ENTPD6: variants seen among roughly 807,000 people sequenced by gnomAD.
The protein encoded by ENTPD6 is CD39 antigen-like 2.
In ENTPD6, 46 loss-of-function variants were observed where a neutral mutation model predicts 61.5. The observed-to-expected ratio is 0.75, with a 90% confidence interval of 0.59 to 0.96. The LOEUF (loss-of-function observed/expected upper bound fraction) is 0.96. Ranked by LOEUF, ENTPD6 falls within the 40% of genes least tolerant of loss-of-function variation. The pLI, the probability that ENTPD6 is intolerant of heterozygous loss-of-function variation, is 0.00. For synonymous variants in ENTPD6, 252 were observed against 255.5 expected, an observed-to-expected ratio of 0.99 and a Z score of 0.13; for missense variants, 612 against 629.0, an observed-to-expected ratio of 0.97 and a Z score of 0.29.
chr20:25,206,980 G>C (rs2091551023), intron 2 of ENTPD6, 96 bp from the exon 3 acceptor site: 1 of 1,133,944 alleles, frequency 8.8e-7, no homozygotes, highest in South Asian at 1.5e-5. Flanking sequence ...AGCAGTTTCA[G>C]GTTGAACATT....
chr20:25,196,104 G>A (rs1334137590), intron 1 of ENTPD6: 2 of 1,135,532 alleles, frequency 1.8e-6, no homozygotes, highest in African/African-American at 3.2e-5. Flanking sequence ...CCAAATAGCA[G>A]GGGCCTGTAG....
chr20:25,223,033 T>TG, intron 12 of ENTPD6, 55 bp downstream of exon 12: 2 of 632,698 alleles, frequency 3.2e-6, no homozygotes, highest in Non-Finnish European at 5.2e-6. Context: ...GGGGCGGGGG[T>TG]GGAGGGCGTG....
In ENTPD6 at chr20:25,207,351, C is replaced by T. The variant is rs1433827903; in HGVS notation, c.330C>T (p.Ser110=). ...ACGGGATCATGTTTGATGCAGGAAG[C>T]ACTGGCACCCGAGTACACGTCTTCC... ...VFYGIMFDAG[S]TGTRVHVFQF... Residue 110 remains serine (S), a synonymous_variant, in exon 3 of 15, where the codon AGC becomes AGT. Transcript: ENST00000376652. The T allele has an allele frequency of 2.6e-6, 4 of 1,566,006 alleles. No individual in the cohort carries two copies. Among genetic ancestry groups the T allele is most frequent in the African/African-American group, 1.4e-5 (1 of 73,834 alleles).
intron 13 of ENTPD6, 37 bp from the exon 14 acceptor site, chr20:25,225,168 G>T: frequency 6.3e-7 from 1 of 1,589,668 alleles, no homozygotes. Flanking sequence ...CCAGGTGGGA[G>T]TCACCTGGAG....
chr20:25,215,833 G>A (rs1219637418), intron 7 of ENTPD6, 122 bp downstream of exon 7: 19 of 1,083,012 alleles, frequency 1.8e-5, no homozygotes, highest in Non-Finnish European at 2.5e-5. Flanking sequence ...GGGTTTGGCA[G>A]TGTTGCTGAC....
At chr20:25,196,405 C>A (rs2090417211) in intron 1 of ENTPD6, among the ~76,000 whole-genome samples, 1 of 152,150 alleles carries the variant, frequency 6.6e-6, no homozygotes. Flanking sequence ...GGAGGGAGAG[C>A]CCCCTAGGTG....
chr20:25,213,546 G>A (rs6050443), intron 5 of ENTPD6, 140 bp downstream of exon 5: 4 of 787,870 alleles, frequency 5.1e-6, no homozygotes, highest in Non-Finnish European at 8.0e-6. Context: ...ATCACTTTTA[G>A]GTGGAGGGAT....
At chr20:25,217,881 C>G (rs933893124) in intron 9 of ENTPD6, among the ~76,000 whole-genome samples, 3 of 144,812 alleles carry the variant, frequency 2.1e-5, no homozygotes, top group African/African-American at 2.6e-5. Flanking sequence ...TAACCCAGAC[C>G]TCTCTCTCCT....
At chr20:25,224,272 C>T in intron 13 of ENTPD6, 115 bp downstream of exon 13, 4 of 867,072 alleles carry the variant, frequency 4.6e-6, no homozygotes, top group Non-Finnish European at 5.1e-6. Context: ...TGGCCACAGG[C>T]AGGGGCCTCG....
Position 25,207,076 on chromosome 20 carries a change from C to T in ENTPD6, c.55C>T (p.Gln19Ter), listed in dbSNP as rs1387828982. Reference sequence around the variant, plus strand: ...CCTGCCTCTCCCCCCTTCCCACCAGCAGCCGCAGCACGGTCCTTGGCAAAC... The same window carrying T: ...CCTGCCTCTCCCCCCTTCCCACCAGTAGCCGCAGCACGGTCCTTGGCAAAC... ...TSRKTSYIFQQPQHGPWQTRM... is the reference protein window; with the variant it reads ...TSRKTSYIFQ Residue 19 changes from glutamine (Q) to a stop codon, truncating the protein, a stop_gained and splice_region_variant, in exon 3 of 15, where the codon CAG (glutamine) becomes TAG (stop). Coordinates refer to ENST00000376652, the MANE Select transcript of ENTPD6 (RefSeq NM_001247.5). LOFTEE classifies it high-confidence loss of function. 1 of 1,595,930 alleles carries T rather than the reference C, an allele frequency of 6.3e-7. No homozygotes were observed. Among genetic ancestry groups the T allele is most frequent in the Non-Finnish European group, 8.6e-7 (1 of 1,166,374 alleles).
At chr20:25,204,849 T>C (rs562918729) in intron 1 of ENTPD6, among the ~76,000 whole-genome samples, 1 of 152,304 alleles carries the variant, frequency 6.6e-6, no homozygotes, top group Admixed American at 6.5e-5. Flanking sequence ...CCTGACATCC[T>C]GAATGTGGCT....
chr20:25,204,192 C>T (rs944879881), intron 1 of ENTPD6, among the ~76,000 whole-genome samples: 1 of 152,188 alleles, frequency 6.6e-6, no homozygotes, highest in African/African-American at 2.4e-5. Flanking sequence ...GTGGCCAGAA[C>T]TCCTGCTCCT....
chr20:25,221,431 G>A (rs1422724159), intron 11 of ENTPD6, 98 bp downstream of exon 11: 2 of 902,980 alleles, frequency 2.2e-6, no homozygotes, highest in African/African-American at 1.6e-5. Flanking sequence ...TTCCACGGGA[G>A]GCTCCTGACC....
At chr20:25,215,632 G>T (rs1276801188) in intron 6 of ENTPD6, 44 bp from the exon 7 acceptor site, 1 of 1,607,832 alleles carries the variant, frequency 6.2e-7, no homozygotes, top group East Asian at 2.2e-5. Context: ...TATGCTTTCA[G>T]CATCTCAAGT....
In ENTPD6 at chr20:25,210,476, A is replaced by G. The variant is rs527873213; in HGVS notation, c.453+551A>G. Among the ~76,000 whole-genome samples the G allele has an allele frequency of 1.1e-4, 16 of 151,078 alleles. No individual in the cohort carries two copies. The South Asian group carries it at 2.7e-3, about 26-fold the overall frequency. On this transcript the variant is annotated intron_variant, in intron 4 of 14. Transcript: ENST00000376652. ...GCCTGGGCAACAGAGTGAGAACCCTATTTCTACAAAATTTAAAAATTAGCT... is the reference window on the plus strand; with the variant it reads ...GCCTGGGCAACAGAGTGAGAACCCTGTTTCTACAAAATTTAAAAATTAGCT...
chr20:25,223,517 C>T (rs2092705475), intron 12 of ENTPD6, among the ~76,000 whole-genome samples: 2 of 152,108 alleles, frequency 1.3e-5, no homozygotes, highest in African/African-American at 4.8e-5. Context: ...GAATGTATGG[C>T]CTGTGGTACG....
chr20:25,214,982 A>G, intron 6 of ENTPD6, 40 bp downstream of exon 6: 1 of 1,386,692 alleles, frequency 7.2e-7, no homozygotes, highest in Non-Finnish European at 1.0e-6. Context: ...GGGGCTGTGC[A>G]GTGAGGTGGG....
intron 11 of ENTPD6, chr20:25,221,585 AT>A: frequency 1.9e-6 from 1 of 520,626 alleles, no homozygotes. Context: ...CTGAGGGCTG[AT>A]TTCCTAACAG....
chr20:25,213,225 A>G, intron 4 of ENTPD6, 38 bp from the exon 5 acceptor site: 1 of 1,613,940 alleles, frequency 6.2e-7, no homozygotes, highest in Non-Finnish European at 8.5e-7. Flanking sequence ...TGTATGCTGC[A>G]CTTGACAGAC....
Sources: allele counts gnomAD v4.1 joint callset (sites outside exome capture counted in the v4.1 genomes callset), GRCh38; gene constraint gnomAD v4.1.1; transcripts MANE v1.5; gene names NCBI Gene and HGNC (gene_info 2026-07-23, HGNC 2026-07-21).